The following F2 variants were observed in gnomAD, a reference collection of about 807,000 sequenced individuals.
F2 encodes coagulation factor II, thrombin.
In F2, 34 loss-of-function variants were observed where a neutral mutation model predicts 81.9. That is an observed-to-expected ratio of 0.42 (90% CI 0.32 to 0.55). The LOEUF (loss-of-function observed/expected upper bound fraction) is 0.55. Ranked by LOEUF, F2 falls within the 20% of genes least tolerant of loss-of-function variation. The pLI, the probability that F2 is intolerant of heterozygous loss-of-function variation, is 0.18. For missense variants in F2, 630 were observed against 833.4 expected (o/e 0.76, Z 3.00); for synonymous variants, 296 against 326.4 (o/e 0.91, Z 1.01).
Position 46,739,311 on chromosome 11 carries a change from G to A in F2, c.1772G>A (p.Gly591Asp). The change falls in exon 14 of 14, where the codon GGT becomes GAT. Residue 591 changes from glycine (G) to aspartate (D), a missense_variant. Physicochemically the swap from Gly to Asp is moderately conservative, Grantham distance 94 (BLOSUM62 -1). Coordinates refer to ENST00000311907, the MANE Select transcript of F2 (RefSeq NM_000506.5). ...TATCAAATGGGCATCGTCTCATGGG[G>A]TGAAGGCTGTGACCGGGATGGGAAA... ...RWYQMGIVSW[G>D]EGCDRDGKYG... 6.2e-7 allele frequency: 1 copy of A among 1,614,168 alleles called. No individual in the cohort carries two copies. Among genetic ancestry groups the A allele is most frequent in the Non-Finnish European group, 8.5e-7 (1 of 1,180,034 alleles).
At position 46,727,338 on chromosome 11, in the gene F2, C is replaced by T. The variant is rs1459545315; in HGVS notation, c.1130+501C>T. 3.3e-5 allele frequency among the ~76,000 whole-genome samples: 5 copies of T among 152,126 alleles called. No individual in the cohort carries two copies. In the South Asian group the frequency reaches 1.0e-3, roughly 32 times the overall value. On this transcript the variant is annotated intron_variant, in intron 9 of 13. Coordinates refer to ENST00000311907, the MANE Select transcript of F2 (RefSeq NM_000506.5). ...CACCCGGCCCATGGGTCCTTTACTT[C>T]TAAGCAGATGGTAAAGCTGAGACTG...
intron 9 of F2, among the ~76,000 whole-genome samples, chr11:46,727,317 C>T (rs1262144330): frequency 2.6e-5 from 4 of 152,192 alleles, no homozygotes; most frequent in Non-Finnish European, 2.9e-5. Context: ...CCACCACACC[C>T]GGCCCATGGG....
At chr11:46,738,373 G>C (rs1039409791) in intron 12 of F2, among the ~76,000 whole-genome samples, 2 of 152,190 alleles carry the variant, frequency 1.3e-5, no homozygotes, top group Middle Eastern at 3.2e-3. Context: ...TACGTGGGGA[G>C]ATTTGGATAA....
In F2 at chr11:46,723,648, T is replaced by C. The variant is rs376197073; in HGVS notation, c.559+130T>C. 8 of 1,240,198 alleles carry C rather than the reference T, an allele frequency of 6.5e-6. No homozygotes were observed. The East Asian group carries it at 7.7e-5, about 12-fold the overall frequency. 76.8% of individuals were successfully genotyped at this position (1,240,198 alleles called of 1,614,324 possible). On this transcript the variant is annotated intron_variant, in intron 6 of 13. Transcript: ENST00000311907. This position sits in a 1 kb window ranked among gnomAD's most constrained non-coding sequence, Gnocchi z 5.6. ...GCTCATGCCCGTAATCCCAGCACTT[T>C]GGGAGGCTGAGGCAGGCAGATCACC...
At chr11:46,720,077 C>T (rs1836426864) in intron 2 of F2, 1 of 657,564 alleles carries the variant, frequency 1.5e-6, no homozygotes, top group Admixed American at 2.8e-5. Flanking sequence ...AGCTCCATGA[C>T]ATGGGGAGGC....
chr11:46,719,514 T>TG lies in F2; in HGVS notation c.80-183dup. ...CTCTCTTCCAATATAGGGAGCAGGC[T>TG]GGGGGCAAGGGGCAGTGTAGGAGGG... On this transcript the variant is annotated intron_variant, in intron 1 of 13. Coordinates refer to ENST00000311907, the MANE Select transcript of F2 (RefSeq NM_000506.5). The surrounding 1 kb of genome is among the most constrained non-coding windows in gnomAD (Gnocchi z 4.7). The TG allele has an allele frequency of 1.1e-6, 1 of 937,252 alleles. No individual in the cohort carries two copies. Among genetic ancestry groups the TG allele is most frequent in the Non-Finnish European group, 1.6e-6 (1 of 610,264 alleles). 58.1% of individuals were successfully genotyped at this position (937,252 alleles called of 1,614,324 possible).
At position 46,726,361 on chromosome 11, in the gene F2, C is replaced by T; in HGVS notation, c.875-137C>T. 1 of 1,494,034 alleles carries T rather than the reference C, an allele frequency of 6.7e-7. No homozygotes were observed. Among genetic ancestry groups the T allele is most frequent in the Non-Finnish European group, 9.1e-7 (1 of 1,101,052 alleles). The allele number at this position is 1,494,034 out of a possible 1,614,324, so 92.5% of individuals were successfully genotyped here. ...ACACTGAGGCCCCAGGAGGTTATTG[C>T]CTAGTAGCCCAACTGTGCATGCACG... On this transcript the variant is annotated intron_variant, in intron 7 of 13. Coordinates refer to ENST00000311907, the MANE Select transcript of F2 (RefSeq NM_000506.5). This position sits in a 1 kb window ranked among gnomAD's most constrained non-coding sequence, Gnocchi z 5.9.
At chr11:46,732,814 A>G (rs1239930104) in intron 12 of F2, among the ~76,000 whole-genome samples, 1 of 152,072 alleles carries the variant, frequency 6.6e-6, no homozygotes, top group African/African-American at 2.4e-5. Flanking sequence ...TCATTCTTTG[A>G]GTACTTTCTT....
chr11:46,730,568 G>A (rs1438233505), intron 12 of F2, among the ~76,000 whole-genome samples: 2 of 151,940 alleles, frequency 1.3e-5, no homozygotes, highest in East Asian at 3.9e-4. Flanking sequence ...GCAGAGGACA[G>A]CCACTTCCTT....
At chr11:46,720,972 G>T in intron 4 of F2, 132 bp downstream of exon 4, 4 of 875,774 alleles carry the variant, frequency 4.6e-6, no homozygotes, top group Non-Finnish European at 7.5e-6. Flanking sequence ...CCCATTCCTG[G>T]GGTCAAGATG....
At chr11:46,730,695 C>T (rs929414678) in intron 12 of F2, among the ~76,000 whole-genome samples, 3 of 151,840 alleles carry the variant, frequency 2.0e-5, no homozygotes, top group Non-Finnish European at 4.4e-5. Flanking sequence ...AGTGTAATTT[C>T]AGACTCACAG....
intron 3 of F2, 109 bp from the exon 4 acceptor site, chr11:46,720,681 C>T: frequency 6.7e-7 from 1 of 1,502,840 alleles, no homozygotes; most frequent in Middle Eastern, 1.7e-4. Context: ...TTGGTCCCTC[C>T]CATCTGTTCA....
rs1439074588 is a variant in F2 at position 46,732,320 on chromosome 11, C to T, written c.1654+2759C>T. 2.0e-5 allele frequency among the ~76,000 whole-genome samples: 3 copies of T among 151,966 alleles called. No individual in the cohort carries two copies. In the South Asian group the frequency reaches 6.2e-4, roughly 31 times the overall value. On this transcript the variant is annotated intron_variant, in intron 12 of 13. Coordinates refer to ENST00000311907, the MANE Select transcript of F2 (RefSeq NM_000506.5). The stretch of plus-strand genomic sequence containing the variant: ...TCATTCCTTCTACATTTGTTAGTTA[C>T]TTTATTGCTTTCCTTCCTTTCATTC...
chr11:46,735,310 G>A (rs565848390), intron 12 of F2, among the ~76,000 whole-genome samples: 5 of 151,940 alleles, frequency 3.3e-5, no homozygotes, highest in South Asian at 2.1e-4. Context: ...GTGTGGTGGC[G>A]CATGCCTGTA....
In F2 at chr11:46,728,035, G is replaced by C. The variant is rs1329572461; in HGVS notation, c.1170G>C (p.Leu390=). The stretch of plus-strand genomic sequence containing the variant: ...TCCGGAAGAGTCCCCAGGAGCTGCT[G>C]TGTGGGGCCAGCCTCATCAGTGACC... The part of the protein sequence containing the change: ...MLFRKSPQEL[L]CGASLISDRW... The change falls in exon 10 of 14, where the codon CTG becomes CTC. Residue 390 remains leucine (L), a synonymous_variant. Transcript: ENST00000311907. The surrounding 1 kb of genome is among the most constrained non-coding windows in gnomAD (Gnocchi z 5.1). 9.3e-6 allele frequency: 15 copies of C among 1,610,784 alleles called. No individual in the cohort carries two copies. In the East Asian group the frequency reaches 3.3e-4, roughly 36 times the overall value.
At position 46,719,341 on chromosome 11, in the gene F2, A is replaced by T; in HGVS notation, c.79+27A>T. On this transcript the variant is annotated intron_variant, in intron 1 of 13. Coordinates refer to ENST00000311907, the MANE Select transcript of F2 (RefSeq NM_000506.5). This position sits in a 1 kb window ranked among gnomAD's most constrained non-coding sequence, Gnocchi z 4.7. ...TAAGGGAGTGCTTGCAGGCTGGAAC[A>T]GGCTGGAGGACTGGGGTGTGGGCCC... 6.2e-7 allele frequency: 1 copy of T among 1,604,426 alleles called. No individual in the cohort carries two copies. The highest frequency in any genetic ancestry group is 8.5e-7 in the Non-Finnish European group (1 of 1,175,780).
rs1461726554 is a variant in F2 at position 46,728,719 on chromosome 11, A to G, written c.1354A>G (p.Arg452Gly). The G allele has an allele frequency of 6.2e-7, 1 of 1,614,264 alleles. No homozygotes were observed. The highest frequency in any genetic ancestry group is 1.7e-5 in the Admixed American group (1 of 60,028). The change falls in exon 11 of 14, where the codon AGG becomes GGG. Residue 452 changes from arginine (R) to glycine (G), a missense_variant. Coordinates refer to ENST00000311907, the MANE Select transcript of F2 (RefSeq NM_000506.5). This position sits in a 1 kb window ranked among gnomAD's most constrained non-coding sequence, Gnocchi z 5.1. ...GTTGGAAAAGATCTACATCCACCCC[A>G]GGTACAACTGGCGGGAGAACCTGGA... The part of the protein sequence containing the change: ...SMLEKIYIHP[R>G]YNWRENLDRD...
rs1466238473 is a variant in F2 at position 46,723,080 on chromosome 11, T to C, written c.317-100T>C. On this transcript the variant is annotated intron_variant, in intron 4 of 13. Transcript: ENST00000311907. The surrounding 1 kb of genome is among the most constrained non-coding windows in gnomAD (Gnocchi z 5.6). ...CTGGGTGAATGCAGGTTCAGGATTG[T>C]GGACCTGCATGAGCTGGGAGGTGGG... 2 of 969,582 alleles carry C rather than the reference T, an allele frequency of 2.1e-6. No individual in the cohort carries two copies. The highest frequency in any genetic ancestry group is 1.6e-5 in the African/African-American group (1 of 62,760). 60.1% of individuals were successfully genotyped at this position (969,582 alleles called of 1,614,324 possible). A position where few individuals can be genotyped will look rare whatever the true frequency, so the allele number is the denominator to read the frequency against.
chr11:46,722,160 C>T (rs1252922439), intron 4 of F2, among the ~76,000 whole-genome samples: 3 of 152,112 alleles, frequency 2.0e-5, no homozygotes, highest in Non-Finnish European at 2.9e-5. Context: ...TGTTAAATTA[C>T]GTACTCAACA....
Sources: gnomAD v4.1 joint callset for allele counts (sites outside exome capture counted in the v4.1 genomes callset) on GRCh38, gnomAD v4.1.1 for gene constraint, Gnocchi (gnomAD v3.1) non-coding constraint, MANE v1.5 for transcripts, NCBI Gene and HGNC (gene_info 2026-07-23, HGNC 2026-07-21) for gene names.